SH3KBP1: variants seen among roughly 807,000 people sequenced by gnomAD.
SH3KBP1 encodes the protein SH3 domain containing kinase binding protein 1.
In SH3KBP1, 8 loss-of-function variants were observed where a neutral mutation model predicts 50.1. That is an observed-to-expected ratio of 0.16 (90% CI 0.09 to 0.29). SH3KBP1 has a LOEUF of 0.29. Among genes scored for constraint, SH3KBP1 ranks in the 10% least tolerant of loss-of-function variants. The probability of loss-of-function intolerance (pLI) is 1.00; values close to 1 mark genes in which losing one functional copy is unlikely to be tolerated. For missense variants in SH3KBP1, 377 were observed against 535.2 expected (o/e 0.70, Z 2.92); for synonymous variants, 227 against 218.6 (o/e 1.04, Z -0.34).
intron 1 of SH3KBP1, among the ~76,000 whole-genome samples, chrX:19,841,549 G>A (rs2068218696): frequency 8.9e-6 from 1 of 112,061 alleles, no homozygotes; most frequent in Admixed American, 9.5e-5. Flanking sequence ...GAATTCTGAA[G>A]AATAAATTTT....
At chrX:19,711,676 T>C (rs1488435216) in intron 3 of SH3KBP1, among the ~76,000 whole-genome samples, 4 of 104,342 alleles carry the variant, frequency 3.8e-5, no homozygotes, top group African/African-American at 7.1e-5. Flanking sequence ...AATCATCTGA[T>C]ATTTTCAAAG....
chrX:19,651,268 A>T (rs1394756510), intron 6 of SH3KBP1, among the ~76,000 whole-genome samples: 3 of 111,248 alleles, frequency 2.7e-5, no homozygotes, highest in Non-Finnish European at 5.7e-5. Context: ...TTTACATTAG[A>T]AACTGTCATC....
In SH3KBP1 at chrX:19,666,873, G is replaced by T. The variant is rs185830750; in HGVS notation, c.726+16950C>A. Among the ~76,000 whole-genome samples the T allele has an allele frequency of 6.3e-5, 7 of 111,774 alleles. No individual in the cohort carries two copies. In the Admixed American group the frequency reaches 6.6e-4, roughly 11 times the overall value. On this transcript the variant is annotated intron_variant, in intron 6 of 17. Transcript: ENST00000397821. ...ATATATCTAAAAAATTGAAAGCAAGGACTCAAACAAGTATTGGTATGCCAA... is the reference window on the plus strand; with the variant it reads ...ATATATCTAAAAAATTGAAAGCAAGTACTCAAACAAGTATTGGTATGCCAA...
intron 8 of SH3KBP1, among the ~76,000 whole-genome samples, chrX:19,621,384 C>A (rs756889748): frequency 1.5e-4 from 16 of 109,377 alleles, no homozygotes; most frequent in African/African-American, 4.7e-4. Flanking sequence ...CCACCATGCC[C>A]GGTCGCCAAC....
chrX:19,863,801 G>A (rs2068836923), intron 1 of SH3KBP1, among the ~76,000 whole-genome samples: 1 of 111,915 alleles, frequency 8.9e-6, no homozygotes. Context: ...CAAAAAGTAA[G>A]CAAATAAATT....
chrX:19,868,661 T>C (rs1193350083), intron 1 of SH3KBP1, among the ~76,000 whole-genome samples: 14 of 102,076 alleles, frequency 1.4e-4, no homozygotes. Flanking sequence ...ATATCCTAAG[T>C]TGTAAATGCA....
intron 5 of SH3KBP1, among the ~76,000 whole-genome samples, chrX:19,690,441 A>C (rs1264345505): frequency 8.9e-6 from 1 of 111,778 alleles, no homozygotes; most frequent in African/African-American, 3.3e-5. Flanking sequence ...GGAAAATGAG[A>C]AATTCAATAA....
intron 2 of SH3KBP1, among the ~76,000 whole-genome samples, chrX:19,774,498 C>T (rs780914218): frequency 6.4e-5 from 7 of 109,017 alleles, no homozygotes; most frequent in South Asian, 4.0e-4. Context: ...GGTGAAACCC[C>T]GTCTCTACTA....
At chrX:19,543,430 G>C (rs1453485597) in intron 15 of SH3KBP1, among the ~76,000 whole-genome samples, 1 of 111,834 alleles carries the variant, frequency 8.9e-6, no homozygotes, top group African/African-American at 3.3e-5. Context: ...GGAGAGTCCA[G>C]AAGGAACGAA....
chrX:19,729,316 C>T (rs1354481572), intron 3 of SH3KBP1, among the ~76,000 whole-genome samples: 2 of 112,493 alleles, frequency 1.8e-5, no homozygotes, highest in Non-Finnish European at 3.8e-5. Flanking sequence ...TCAACTTGGG[C>T]TTTTGGCAGA....
rs748063715 is a variant in SH3KBP1, at chrX:19,693,041, G to A, written c.520+2571C>T. The stretch of plus-strand genomic sequence containing the variant: ...GAGAGATACTATTTCTCTCTTTCAG[G>A]GAATTACTTCAATTTAGCAAGCTAT... On this transcript the variant is annotated intron_variant, in intron 5 of 17. Transcript: ENST00000397821. 9.0e-5 allele frequency among the ~76,000 whole-genome samples: 10 copies of A among 110,973 alleles called. No homozygotes were observed. The East Asian group carries it at 2.6e-3, about 28-fold the overall frequency.
At chrX:19,553,066 G>A (rs1205489217) in intron 13 of SH3KBP1, among the ~76,000 whole-genome samples, 3 of 111,600 alleles carry the variant, frequency 2.7e-5, no homozygotes, top group Non-Finnish European at 3.8e-5. Flanking sequence ...CCAAAGGCTC[G>A]AATGATTGGT....
intron 1 of SH3KBP1, among the ~76,000 whole-genome samples, chrX:19,846,581 CCT>C (rs762893806): frequency 1.8e-5 from 2 of 111,525 alleles, no homozygotes; most frequent in African/African-American, 6.5e-5. Context: ...AAAGAGATCC[CCT>C]GTTTTTCTCA....
intron 2 of SH3KBP1, among the ~76,000 whole-genome samples, chrX:19,774,656 AAGAAAGAAAGAAAG>A (rs1456500780): frequency 6.4e-5 from 2 of 31,240 alleles, no homozygotes; most frequent in African/African-American, 7.4e-4. Context: ...CTCAAAAAAA[AAGAAAGAAAGAAAG>A]AAAGAAAGAA....
At chrX:19,641,170 A>T (rs566045975) in intron 7 of SH3KBP1, among the ~76,000 whole-genome samples, 29 of 112,175 alleles carry the variant, frequency 2.6e-4, no homozygotes, top group African/African-American at 8.7e-4. Flanking sequence ...TCTTAGGCCG[A>T]TTGGGAGAGC....
chrX:19,542,838 G>A (rs1224597152), intron 15 of SH3KBP1, among the ~76,000 whole-genome samples: 1 of 111,869 alleles, frequency 8.9e-6, no homozygotes, highest in Non-Finnish European at 1.9e-5. Flanking sequence ...GACCGTCAGA[G>A]GGGGCAAGAG....
At chrX:19,760,041 C>CCTCTCCCTCTCTCTCTCTCT (rs1556346157) in intron 2 of SH3KBP1, among the ~76,000 whole-genome samples, 6 of 50,452 alleles carry the variant, frequency 1.2e-4, no homozygotes, top group African/African-American at 5.6e-4. Flanking sequence ...TCTCTCTCTC[C>CCTCTCCCTCTCTCTCTCTCT]CTCTCTCTCT....
chrX:19,885,752 G>A (rs2069568063), intron 1 of SH3KBP1, among the ~76,000 whole-genome samples: 1 of 110,698 alleles, frequency 9.0e-6, no homozygotes, highest in Non-Finnish European at 1.9e-5. Flanking sequence ...TTACTAAAGT[G>A]GCCTGTAAGG....
intron 2 of SH3KBP1, among the ~76,000 whole-genome samples, chrX:19,828,255 C>T (rs1388818800): frequency 9.1e-6 from 1 of 109,537 alleles, no homozygotes; most frequent in African/African-American, 3.4e-5. Context: ...TTCCTTTTTC[C>T]ACTGAGGTTT....
Sources: gnomAD v4.1 joint callset for allele counts (sites outside exome capture counted in the v4.1 genomes callset) on GRCh38, gnomAD v4.1.1 for gene constraint, MANE v1.5 for transcripts, NCBI Gene and HGNC (gene_info 2026-07-23, HGNC 2026-07-21) for gene names.